The following FHIT variants were observed in gnomAD, a reference collection of about 807,000 sequenced individuals.
The protein encoded by FHIT is fragile histidine triad diadenosine triphosphatase.
A neutral mutation model predicts 17.9 loss-of-function variants in FHIT; 19 were observed. That is an observed-to-expected ratio of 1.06 (90% CI 0.74 to 1.56). The LOEUF (loss-of-function observed/expected upper bound fraction) is 1.56. Ranked by LOEUF, FHIT falls within the 40% of genes most tolerant of loss-of-function variation. FHIT has a pLI of 0.00. For missense variants in FHIT, 248 were observed against 189.2 expected (o/e 1.31, Z -1.82); for synonymous variants, 81 against 69.7 (o/e 1.16, Z -0.81).
chr3:60,750,815 C>T (rs1230860920), intron 4 of FHIT, among the ~76,000 whole-genome samples: 1 of 152,204 alleles, frequency 6.6e-6, no homozygotes, highest in Non-Finnish European at 1.5e-5. Context: ...CCTGCTTATT[C>T]CTCTTATTCC....
intron 4 of FHIT, chr3:60,732,242 CA>C (rs782332296): frequency 4.6e-6 from 4 of 861,116 alleles, no homozygotes; most frequent in African/African-American, 1.6e-5. Context: ...TTCATGCCTT[CA>C]CCATGCCAAA....
rs150290693 is a variant in FHIT, at chr3:59,935,948, A to G, written c.280-13534T>C. Among the ~76,000 whole-genome samples the G allele has an allele frequency of 2.4e-4, 37 of 152,314 alleles. 1 individual carries two copies. The East Asian group carries it at 7.1e-3, about 29-fold the overall frequency. On this transcript the variant is annotated intron_variant, in intron 7 of 9. Coordinates refer to ENST00000492590, the MANE Select transcript of FHIT (RefSeq NM_002012.4). Reference sequence around the variant, plus strand: ...AAGAGCCATTATGATCACATTGTACACACCTTTCTTCCCCACTGAAAAGTA... The same window carrying G: ...AAGAGCCATTATGATCACATTGTACGCACCTTTCTTCCCCACTGAAAAGTA...
chr3:60,497,102 T>C (rs1187618793), intron 5 of FHIT, among the ~76,000 whole-genome samples: 1 of 151,962 alleles, frequency 6.6e-6, no homozygotes, highest in Non-Finnish European at 1.5e-5. Flanking sequence ...ATATTCTTTG[T>C]TATTCACAAC....
At chr3:61,123,539 T>C (rs148333265) in intron 2 of FHIT, among the ~76,000 whole-genome samples, 2 of 141,204 alleles carry the variant, frequency 1.4e-5, no homozygotes, top group African/African-American at 5.6e-5. Flanking sequence ...TGGCATTTTT[T>C]CAAAAATTGT....
chr3:61,048,931 C>T (rs1015141897), intron 2 of FHIT, among the ~76,000 whole-genome samples: 2 of 151,952 alleles, frequency 1.3e-5, no homozygotes, highest in Non-Finnish European at 2.9e-5. Flanking sequence ...ACAATGTGAT[C>T]ACTTGGACAC....
intron 5 of FHIT, among the ~76,000 whole-genome samples, chr3:60,087,099 C>T (rs1272582584): frequency 1.3e-5 from 2 of 152,206 alleles, no homozygotes; most frequent in Non-Finnish European, 2.9e-5. Context: ...TGACAAGGCT[C>T]ATGGCTTGCA....
At chr3:60,107,067 C>T (rs78238678) in intron 5 of FHIT, among the ~76,000 whole-genome samples, 79 of 151,282 alleles carry the variant, frequency 5.2e-4, no homozygotes, top group African/African-American at 1.8e-3. Flanking sequence ...ATTTTACATG[C>T]ATTTGACAAC....
intron 5 of FHIT, among the ~76,000 whole-genome samples, chr3:60,183,125 C>T (rs550297419): frequency 1.2e-4 from 19 of 152,210 alleles, no homozygotes; most frequent in African/African-American, 4.6e-4. Flanking sequence ...TGGCCAGGCA[C>T]GGTGGCTCAC....
At chr3:60,341,863 T>C (rs907605538) in intron 5 of FHIT, among the ~76,000 whole-genome samples, 4 of 152,144 alleles carry the variant, frequency 2.6e-5, no homozygotes, top group African/African-American at 7.2e-5. Context: ...GTACGTGGCA[T>C]GGGTCTTAGT....
chr3:61,074,902 T>C (rs184666621), intron 2 of FHIT, among the ~76,000 whole-genome samples: 17 of 152,280 alleles, frequency 1.1e-4, no homozygotes, highest in Admixed American at 2.6e-4. Flanking sequence ...GCATTGAGTG[T>C]GTGAACCTTT....
rs138801890 is a variant in FHIT, at chr3:60,146,311, A to G, written c.104-132159T>C. Reference sequence around the variant, plus strand: ...TTGCAGCCAATTTCAAGCTACCAACACGCTGTCAACCAGCTCACAGAATTC... The same window carrying G: ...TTGCAGCCAATTTCAAGCTACCAACGCGCTGTCAACCAGCTCACAGAATTC... On this transcript the variant is annotated intron_variant, in intron 5 of 9. Coordinates refer to ENST00000492590, the MANE Select transcript of FHIT (RefSeq NM_002012.4). Among the ~76,000 whole-genome samples, 1,118 of 151,822 alleles carry G rather than the reference A, an allele frequency of 7.4e-3. 16 individuals are homozygous for G. The highest frequency in any genetic ancestry group is 0.025 in the African/African-American group (1,049 of 41,384).
intron 5 of FHIT, among the ~76,000 whole-genome samples, chr3:60,242,520 T>G (rs938115425): frequency 3.3e-5 from 5 of 152,274 alleles, no homozygotes; most frequent in Middle Eastern, 3.4e-3. Context: ...TTATATTGCC[T>G]TCTTCACTAC....
At chr3:60,807,355 T>C (rs1468539309) in intron 4 of FHIT, among the ~76,000 whole-genome samples, 6 of 151,972 alleles carry the variant, frequency 3.9e-5, no homozygotes, top group African/African-American at 1.2e-4. Context: ...GGAGGATTGC[T>C]TGAACCCAGG....
chr3:60,384,580 T>C (rs1700932532), intron 5 of FHIT, among the ~76,000 whole-genome samples: 2 of 152,148 alleles, frequency 1.3e-5, no homozygotes, highest in South Asian at 2.1e-4. Context: ...GTCGCTTTAT[T>C]ACCACGAAAC....
intron 5 of FHIT, among the ~76,000 whole-genome samples, chr3:60,122,296 T>C (rs1469939725): frequency 6.6e-6 from 1 of 152,180 alleles, no homozygotes; most frequent in Non-Finnish European, 1.5e-5. Context: ...GATCCTATGA[T>C]ACGTGTTGTC....
intron 5 of FHIT, among the ~76,000 whole-genome samples, chr3:60,165,091 G>A (rs17062405): frequency 0.13 from 19,124 of 152,160 alleles, 3,031 homozygotes; most frequent in East Asian, 0.36. Flanking sequence ...TGAGTCCAGT[G>A]AGTCAGATGG....
At chr3:61,101,420 T>G (rs955272072) in intron 2 of FHIT, among the ~76,000 whole-genome samples, 1 of 152,196 alleles carries the variant, frequency 6.6e-6, no homozygotes, top group African/African-American at 2.4e-5. Flanking sequence ...TTGGTCTATC[T>G]CTCTGTTTTG....
chr3:60,166,897 T>C (rs1226742842), intron 5 of FHIT, among the ~76,000 whole-genome samples: 5 of 152,136 alleles, frequency 3.3e-5, no homozygotes, highest in African/African-American at 9.7e-5. Flanking sequence ...TCAGAAACTA[T>C]TTGTACTTGC....
At chr3:60,301,837 A>G (rs1189162275) in intron 5 of FHIT, among the ~76,000 whole-genome samples, 1 of 152,162 alleles carries the variant, frequency 6.6e-6, no homozygotes, top group Non-Finnish European at 1.5e-5. Flanking sequence ...TTTTTCTGTA[A>G]GGACTGAAGT....
Sources: allele counts gnomAD v4.1 joint callset (sites outside exome capture counted in the v4.1 genomes callset), GRCh38; gene constraint gnomAD v4.1.1; transcripts MANE v1.5; gene names NCBI Gene and HGNC (gene_info 2026-07-23, HGNC 2026-07-21).